KCNIP4: variants seen among roughly 807,000 people sequenced by gnomAD.
The protein encoded by KCNIP4 is Kv channel-interacting protein 4.
KCNIP4 carries 12 observed loss-of-function variants against 34.0 expected under a neutral mutation model. That is an observed-to-expected ratio of 0.35 (90% CI 0.23 to 0.57). The LOEUF (loss-of-function observed/expected upper bound fraction) is 0.57. Ranked by LOEUF, KCNIP4 falls within the 20% of genes least tolerant of loss-of-function variation. KCNIP4 has a pLI of 0.83. For missense variants in KCNIP4, 238 were observed against 311.7 expected, an observed-to-expected ratio of 0.76 and a Z score of 1.78; for synonymous variants, 124 against 102.2, an observed-to-expected ratio of 1.21 and a Z score of -1.29.
chr4:21,418,517 A>G (rs1725166196), intron 1 of KCNIP4, among the ~76,000 whole-genome samples: 1 of 152,130 alleles, frequency 6.6e-6, no homozygotes, highest in South Asian at 2.1e-4. Context: ...AAAATAAATA[A>G]ATAAAAGGAA....
At chr4:21,147,233 A>G (rs1752422190) in intron 1 of KCNIP4, among the ~76,000 whole-genome samples, 1 of 151,964 alleles carries the variant, frequency 6.6e-6, no homozygotes, top group Admixed American at 6.6e-5. Flanking sequence ...CCTTGGACCT[A>G]TCTACCCGAT....
At position 21,268,862 on chromosome 4, in the gene KCNIP4, C is replaced by T. The variant is rs538133858; in HGVS notation, c.62-386153G>A. ...GGCAAAACTATGGCTAAAGCCAAGA[C>T]GTAAAGAATGAGGATGTTTGACCTA... On this transcript the variant is annotated intron_variant, in intron 1 of 8. Coordinates refer to ENST00000382152, the MANE Select transcript of KCNIP4 (RefSeq NM_025221.6). 1.5e-3 allele frequency among the ~76,000 whole-genome samples: 232 copies of T among 152,288 alleles called. 1 individual carries two copies. The highest frequency in any genetic ancestry group is 5.1e-3 in the African/African-American group (213 of 41,558).
At chr4:21,188,526 C>T (rs1288966031) in intron 1 of KCNIP4, among the ~76,000 whole-genome samples, 1 of 152,108 alleles carries the variant, frequency 6.6e-6, no homozygotes, top group Non-Finnish European at 1.5e-5. Flanking sequence ...TGGTTTCTTG[C>T]TACATGTAGA....
chr4:21,945,550 C>A (rs1490519932), intron 1 of KCNIP4, among the ~76,000 whole-genome samples: 2 of 152,100 alleles, frequency 1.3e-5, no homozygotes, highest in Admixed American at 1.3e-4. Context: ...AATGGCAATT[C>A]AAAATTGAAG....
At chr4:20,864,684 C>T (rs766531022) in intron 2 of KCNIP4, among the ~76,000 whole-genome samples, 3 of 151,982 alleles carry the variant, frequency 2.0e-5, no homozygotes, top group Non-Finnish European at 4.4e-5. Flanking sequence ...CAAAAGGGCT[C>T]TAAGCAGAAA....
intron 1 of KCNIP4, among the ~76,000 whole-genome samples, chr4:21,098,810 C>A (rs1747684887): frequency 6.6e-6 from 1 of 152,014 alleles, no homozygotes; most frequent in Admixed American, 6.6e-5. Flanking sequence ...TTATTTAATA[C>A]AAGGACAGAC....
At chr4:21,265,779 T>A (rs1761767466) in intron 1 of KCNIP4, among the ~76,000 whole-genome samples, 1 of 152,224 alleles carries the variant, frequency 6.6e-6, no homozygotes, top group Non-Finnish European at 1.5e-5. Flanking sequence ...AAACAATCAC[T>A]GTTTGTTTCT....
At chr4:20,910,473 C>G (rs1468709757) in intron 1 of KCNIP4, among the ~76,000 whole-genome samples, 3 of 152,122 alleles carry the variant, frequency 2.0e-5, no homozygotes, top group Non-Finnish European at 4.4e-5. Context: ...AACACCACTC[C>G]AGGATGAGGA....
intron 2 of KCNIP4, among the ~76,000 whole-genome samples, chr4:20,855,852 G>A (rs890015263): frequency 1.3e-5 from 2 of 152,174 alleles, no homozygotes; most frequent in African/African-American, 2.4e-5. Flanking sequence ...GACATGGAAA[G>A]ATGAGAAGGC....
At chr4:21,517,097 ATG>A (rs916039499) in intron 1 of KCNIP4, among the ~76,000 whole-genome samples, 6 of 152,150 alleles carry the variant, frequency 3.9e-5, no homozygotes, top group Non-Finnish European at 8.8e-5. Context: ...GTGAAGAACA[ATG>A]GAAATTCTAA....
intron 1 of KCNIP4, among the ~76,000 whole-genome samples, chr4:21,547,882 T>C (rs1431941113): frequency 1.6e-5 from 1 of 63,140 alleles, no homozygotes; most frequent in East Asian, 4.5e-4. Flanking sequence ...CTTTATAAAA[T>C]ATTTTAATAA....
At chr4:20,859,978 T>TG (rs980840374) in intron 2 of KCNIP4, among the ~76,000 whole-genome samples, 4 of 152,312 alleles carry the variant, frequency 2.6e-5, no homozygotes, top group African/African-American at 9.6e-5. Context: ...GTGAGGCTGT[T>TG]GCCTTGTTCT....
chr4:21,753,325 C>T (rs1009727490), intron 1 of KCNIP4, among the ~76,000 whole-genome samples: 1 of 152,060 alleles, frequency 6.6e-6, no homozygotes, highest in African/African-American at 2.4e-5. Context: ...TCTCTGGGTG[C>T]ACTAAGTGCT....
intron 1 of KCNIP4, among the ~76,000 whole-genome samples, chr4:21,874,922 G>T (rs940475876): frequency 6.6e-6 from 1 of 152,118 alleles, no homozygotes; most frequent in Non-Finnish European, 1.5e-5. Flanking sequence ...TCAATAGAGG[G>T]TAGGAATTGA....
chr4:21,506,050 C>T (rs1207995296), intron 1 of KCNIP4, among the ~76,000 whole-genome samples: 2 of 152,192 alleles, frequency 1.3e-5, no homozygotes, highest in Non-Finnish European at 2.9e-5. Context: ...TTGCAGTGAG[C>T]TGAGATCGCA....
chr4:21,343,468 T>C (rs959755181), intron 1 of KCNIP4, among the ~76,000 whole-genome samples: 3 of 152,100 alleles, frequency 2.0e-5, no homozygotes, highest in African/African-American at 7.2e-5. Flanking sequence ...TACATCCCCA[T>C]CTTGCAAGTT....
intron 1 of KCNIP4, among the ~76,000 whole-genome samples, chr4:21,097,155 G>A (rs1747531232): frequency 6.6e-6 from 1 of 152,000 alleles, no homozygotes. Context: ...GATGTTCATA[G>A]CAACTTTATT....
intron 5 of KCNIP4, among the ~76,000 whole-genome samples, chr4:20,744,233 A>G (rs1303264003): frequency 6.6e-6 from 1 of 152,194 alleles, no homozygotes; most frequent in Non-Finnish European, 1.5e-5. Context: ...TAGAAATACC[A>G]TTTGACCCAG....
In KCNIP4 at chr4:21,043,257, A is replaced by G. The variant is rs111498113; in HGVS notation, c.62-160548T>C. On this transcript the variant is annotated intron_variant, in intron 1 of 8. Coordinates refer to ENST00000382152, the MANE Select transcript of KCNIP4 (RefSeq NM_025221.6). The stretch of plus-strand genomic sequence containing the variant: ...TTCTCATTTAAATAATTCCATTGAA[A>G]TAAAATAATACAAATGGATCATGAC... 9.0e-3 allele frequency among the ~76,000 whole-genome samples: 1,369 copies of G among 152,338 alleles called. 13 individuals carry two copies. Among genetic ancestry groups the G allele is most frequent in the Non-Finnish European group, 0.014 (934 of 68,032 alleles).
Sources: allele counts gnomAD v4.1 joint callset (sites outside exome capture counted in the v4.1 genomes callset), GRCh38; gene constraint gnomAD v4.1.1; transcripts MANE v1.5; gene names NCBI Gene and HGNC (gene_info 2026-07-23, HGNC 2026-07-21).